ZNF277: variants seen among roughly 807,000 people sequenced by gnomAD.
The protein encoded by ZNF277 is zinc finger protein 277, also known as nuclear receptor-interacting factor 4.
ZNF277 carries 55 observed loss-of-function variants against 60.7 expected under a neutral mutation model. The observed-to-expected ratio is 0.91, with a 90% CI of 0.73 to 1.13. ZNF277 has a LOEUF of 1.13. Ranked by LOEUF, ZNF277 falls within the 50% of genes most tolerant of loss-of-function variation. The probability of loss-of-function intolerance (pLI) is 0.00; values close to 1 mark genes in which losing one functional copy is unlikely to be tolerated. For missense variants in ZNF277, 510 were observed against 523.0 expected, an observed-to-expected ratio of 0.98 and a Z score of 0.24; for synonymous variants, 178 against 179.3, an observed-to-expected ratio of 0.99 and a Z score of 0.06.
chr7:112,291,395 GA>G (rs957934526), intron 2 of ZNF277, among the ~76,000 whole-genome samples: 2 of 152,076 alleles, frequency 1.3e-5, no homozygotes, highest in African/African-American at 2.4e-5. Flanking sequence ...TCCTTTGGAA[GA>G]AAAAAAGTAT....
At chr7:112,295,488 C>T (rs980856474) in intron 2 of ZNF277, among the ~76,000 whole-genome samples, 2 of 152,082 alleles carry the variant, frequency 1.3e-5, no homozygotes, top group African/African-American at 4.8e-5. Flanking sequence ...TTTCTCTTTA[C>T]TGCAGAGTGT....
At chr7:112,288,243 A>G (rs1378833008) in intron 2 of ZNF277, 3 of 152,208 alleles carry the variant, frequency 2.0e-5, no homozygotes, top group Admixed American at 6.5e-5. Context: ...CCTTCCCTGT[A>G]TAGTTACTGA....
intron 4 of ZNF277, among the ~76,000 whole-genome samples, chr7:112,302,096 AC>A (rs1792485572): frequency 6.6e-6 from 1 of 152,158 alleles, no homozygotes; most frequent in South Asian, 2.1e-4. Context: ...GAAAGGCCTA[AC>A]TGTATGAAGG....
chr7:112,220,260 A>C (rs1037103652), intron 1 of ZNF277, among the ~76,000 whole-genome samples: 1 of 151,688 alleles, frequency 6.6e-6, no homozygotes, highest in East Asian at 1.9e-4. Context: ...TACAGATCTT[A>C]CAACTCTTTG....
In ZNF277 at chr7:112,337,787, G is replaced by T; in HGVS notation, c.927G>T (p.Lys309Asn). 1.2e-6 allele frequency: 2 copies of T among 1,612,414 alleles called. No homozygotes were observed. The highest frequency in any genetic ancestry group is 1.7e-6 in the Non-Finnish European group (2 of 1,179,466). ...CTGCAGTCTGCTTATTTTGTGAAAA[G>T]CAAGCAGAAACAATTGAGAAGTTGT... ...PASAVCLFCE[K>N]QAETIEKLYV... The change falls in exon 9 of 12, where the codon AAG becomes AAT. Residue 309 changes from lysine (K) to asparagine (N), a missense_variant. Coordinates refer to ENST00000361822, the MANE Select transcript of ZNF277 (RefSeq NM_021994.3).
chr7:112,341,011 G>T lies in ZNF277; in HGVS notation c.1149G>T (p.Ser383=), dbSNP rs193143560. The T allele has an allele frequency of 4.2e-5, 67 of 1,602,336 alleles. No homozygotes were observed. The East Asian group carries it at 6.1e-4, about 15-fold the overall frequency. The change falls in exon 11 of 12, where the codon TCG becomes TCT. Residue 383 remains serine (S), a synonymous_variant. Transcript: ENST00000361822. ...RTHMEETKHT[S]LLPDRKTWDQ... Reference sequence around the variant, plus strand: ...ACATGGAAGAAACTAAACACACTTCGCTGCTCCCCGATAGAAAGACGTGGG... The same window carrying T: ...ACATGGAAGAAACTAAACACACTTCTCTGCTCCCCGATAGAAAGACGTGGG...
intron 8 of ZNF277, among the ~76,000 whole-genome samples, chr7:112,337,456 G>C (rs917265822): frequency 1.3e-5 from 2 of 152,148 alleles, no homozygotes; most frequent in African/African-American, 4.8e-5. Flanking sequence ...ACATTCCTCT[G>C]ACTGTAGACT....
At chr7:112,267,189 G>A (rs1791568058) in intron 1 of ZNF277, among the ~76,000 whole-genome samples, 1 of 152,128 alleles carries the variant, frequency 6.6e-6, no homozygotes, top group Non-Finnish European at 1.5e-5. Context: ...CACTGCTATA[G>A]CCTCTTAATG....
intron 4 of ZNF277, among the ~76,000 whole-genome samples, chr7:112,303,008 G>T (rs1792513506): frequency 6.7e-6 from 1 of 149,408 alleles, no homozygotes. Context: ...GAGTGCTGTG[G>T]CACAATCTTG....
At chr7:112,251,098 C>A (rs554007065) in intron 1 of ZNF277, among the ~76,000 whole-genome samples, 1 of 152,274 alleles carries the variant, frequency 6.6e-6, no homozygotes, top group East Asian at 1.9e-4. Context: ...CTCTTCCAAT[C>A]ATATAAATCC....
intron 4 of ZNF277, among the ~76,000 whole-genome samples, chr7:112,315,182 T>C (rs537888019): frequency 1.2e-4 from 19 of 152,134 alleles, no homozygotes; most frequent in Non-Finnish European, 2.6e-4. Context: ...CCCCCGACGC[T>C]CATCTGAGGA....
chr7:112,313,473 G>T (rs560236308), intron 4 of ZNF277, among the ~76,000 whole-genome samples: 1 of 151,566 alleles, frequency 6.6e-6, no homozygotes, highest in African/African-American at 2.4e-5. Flanking sequence ...AGTAATGATG[G>T]GGGTCTCCCT....
At chr7:112,226,001 T>G (rs1054239723) in intron 1 of ZNF277, among the ~76,000 whole-genome samples, 2 of 152,190 alleles carry the variant, frequency 1.3e-5, no homozygotes, top group African/African-American at 4.8e-5. Context: ...ACATAAATAT[T>G]ATATCCTGTT....
intron 1 of ZNF277, among the ~76,000 whole-genome samples, chr7:112,210,983 A>C (rs1175364356): frequency 6.6e-6 from 1 of 152,220 alleles, no homozygotes; most frequent in African/African-American, 2.4e-5. Context: ...GACTGAGGCT[A>C]TTTCTTCTGA....
At chr7:112,338,539 TC>T (rs1793377133) in intron 9 of ZNF277, among the ~76,000 whole-genome samples, 1 of 152,008 alleles carries the variant, frequency 6.6e-6, no homozygotes, top group South Asian at 2.1e-4. Flanking sequence ...CTCCGTCCCC[TC>T]CCTGCAGCCA....
intron 1 of ZNF277, among the ~76,000 whole-genome samples, chr7:112,285,919 T>C (rs1369038743): frequency 6.6e-6 from 1 of 152,198 alleles, no homozygotes; most frequent in African/African-American, 2.4e-5. Context: ...CTGAAGAAGG[T>C]TCTCTTCTTT....
chr7:112,256,436 T>TTG (rs1481548464), intron 1 of ZNF277, among the ~76,000 whole-genome samples: 17 of 145,836 alleles, frequency 1.2e-4, no homozygotes, highest in Non-Finnish European at 2.3e-4. Context: ...TTTTTTTTTT[T>TTG]TTTTTTTTTT....
intron 4 of ZNF277, among the ~76,000 whole-genome samples, chr7:112,309,623 T>G (rs750106784): frequency 1.3e-5 from 2 of 151,890 alleles, no homozygotes; most frequent in Non-Finnish European, 2.9e-5. Context: ...ATGCATATAC[T>G]TATTATATAC....
chr7:112,231,075 G>A (rs1454410141), intron 1 of ZNF277, among the ~76,000 whole-genome samples: 4 of 152,028 alleles, frequency 2.6e-5, no homozygotes, highest in East Asian at 3.9e-4. Flanking sequence ...TTAGCTGGGC[G>A]TGGTGGCAGG....
Sources: allele counts gnomAD v4.1 joint callset (sites outside exome capture counted in the v4.1 genomes callset), GRCh38; gene constraint gnomAD v4.1.1; transcripts MANE v1.5; gene names NCBI Gene and HGNC (gene_info 2026-07-23, HGNC 2026-07-21).